INPP4A: variants seen among roughly 807,000 people sequenced by gnomAD.
INPP4A encodes inositol polyphosphate-4-phosphatase, type I, 107kD.
Under a neutral mutation model 119.8 loss-of-function variants are expected in INPP4A, and 33 were observed. The observed-to-expected ratio is 0.28, with a 90% CI of 0.21 to 0.37. The LOEUF (loss-of-function observed/expected upper bound fraction) is 0.37, where lower values mean the gene tolerates loss of function less well. Ranked by LOEUF, INPP4A falls within the 10% of genes least tolerant of loss-of-function variation. INPP4A has a pLI of 1.00. For synonymous variants in INPP4A, 496 were observed against 500.7 expected (o/e 0.99, Z 0.12); for missense variants, 956 against 1,289.9 (o/e 0.74, Z 3.97).
intron 1 of INPP4A, among the ~76,000 whole-genome samples, chr2:98,472,056 G>C (rs1676138499): frequency 6.6e-6 from 1 of 152,138 alleles, no homozygotes; most frequent in Non-Finnish European, 1.5e-5. Flanking sequence ...GCTGGGCATT[G>C]GTCTGCTCCA....
intron 1 of INPP4A, among the ~76,000 whole-genome samples, chr2:98,493,754 G>A (rs535917839): frequency 6.6e-6 from 1 of 152,214 alleles, no homozygotes; most frequent in South Asian, 2.1e-4. Context: ...GGAGTGTAGA[G>A]TTCATATTCA....
At position 98,546,427 on chromosome 2, in the gene INPP4A, C is replaced by G. The variant is rs1305704466; in HGVS notation, c.1055-159C>G. Among the ~76,000 whole-genome samples, 17 of 152,224 alleles carry G rather than the reference C, an allele frequency of 1.1e-4. No homozygotes were observed. ...CTGAGGTGATGGCACTGGGCTCCAG[C>G]AGACCCTTGGGCAGCCAGGGCTGTG... On this transcript the variant is annotated intron_variant, in intron 12 of 24. Coordinates refer to ENST00000409851, the MANE Select transcript of INPP4A (RefSeq NM_001134225.2). The surrounding 1 kb of genome is among the most constrained non-coding windows in gnomAD (Gnocchi z 4.2).
At chr2:98,537,509 C>T (rs1426259980) in intron 7 of INPP4A, among the ~76,000 whole-genome samples, 1 of 152,192 alleles carries the variant, frequency 6.6e-6, no homozygotes, top group Admixed American at 6.5e-5. Flanking sequence ...GTAGTCCTCA[C>T]TCTGACACGT....
chr2:98,499,522 G>A (rs1212599440), intron 1 of INPP4A, among the ~76,000 whole-genome samples: 1 of 152,194 alleles, frequency 6.6e-6, no homozygotes, highest in Non-Finnish European at 1.5e-5. Context: ...TCTGATGAAT[G>A]CAGAACTCCA....
chr2:98,571,300 C>T (rs1697395318), intron 22 of INPP4A, among the ~76,000 whole-genome samples: 1 of 152,238 alleles, frequency 6.6e-6, no homozygotes, highest in Non-Finnish European at 1.5e-5. Flanking sequence ...CAAGTCTCCC[C>T]AGGAGCTGGG....
At chr2:98,535,295 C>T (rs756593300) in intron 5 of INPP4A, among the ~76,000 whole-genome samples, 2 of 152,222 alleles carry the variant, frequency 1.3e-5, no homozygotes, top group Non-Finnish European at 1.5e-5. Flanking sequence ...TTAAGCCATT[C>T]ATTTTCTCTC....
Position 98,533,405 on chromosome 2 carries a change from A to G in INPP4A, c.180A>G (p.Leu60=), listed in dbSNP as rs748046064. The change falls in exon 5 of 25, where the codon CTA becomes CTG. Residue 60 remains leucine, a synonymous_variant. Coordinates refer to ENST00000409851, the MANE Select transcript of INPP4A (RefSeq NM_001134225.2). ...LACSELHTPS[L]DRKPNSFVAV... Reference sequence around the variant, plus strand: ...GCAGTGAGCTGCATACTCCATCGCTAGATCGAAAGCCAAATAGTTTTGTTG... The same window carrying G: ...GCAGTGAGCTGCATACTCCATCGCTGGATCGAAAGCCAAATAGTTTTGTTG... 3.1e-6 allele frequency: 5 copies of G among 1,613,424 alleles called. No homozygotes were observed. The highest frequency in any genetic ancestry group is 3.4e-6 in the Non-Finnish European group (4 of 1,179,606).
At position 98,511,561 on chromosome 2, in the gene INPP4A, G is replaced by A. The variant is rs569367662; in HGVS notation, c.-165-7403G>A. On this transcript the variant is annotated intron_variant, in intron 1 of 24. Coordinates refer to ENST00000409851, the MANE Select transcript of INPP4A (RefSeq NM_001134225.2). Reference sequence around the variant, plus strand: ...GGGGAGGAGGAAGCAGACCTCTTCAGTACAAGAGGACCATGATGCTGCCCC... The same window carrying A: ...GGGGAGGAGGAAGCAGACCTCTTCAATACAAGAGGACCATGATGCTGCCCC... 2.0e-5 allele frequency among the ~76,000 whole-genome samples: 3 copies of A among 152,244 alleles called. No homozygotes were observed. The South Asian group carries it at 6.2e-4, about 32-fold the overall frequency.
chr2:98,541,022 C>CA (rs1285710459), intron 10 of INPP4A, among the ~76,000 whole-genome samples: 1 of 152,148 alleles, frequency 6.6e-6, no homozygotes, highest in Non-Finnish European at 1.5e-5. Flanking sequence ...GAAAAAACAT[C>CA]AAACTTAAAA....
Position 98,588,478 on chromosome 2 carries a change from A to T in INPP4A, c.*870A>T, listed in dbSNP as rs985408983. Reference sequence around the variant, plus strand: ...GAATTTATGACCATAGAGATAGTAGAAACCTAAATATTTTCAGAAAAAAAA... The same window carrying T: ...GAATTTATGACCATAGAGATAGTAGTAACCTAAATATTTTCAGAAAAAAAA... On this transcript the variant is annotated 3_prime_UTR_variant, in exon 25 of 25. Coordinates refer to ENST00000409851, the MANE Select transcript of INPP4A (RefSeq NM_001134225.2). 4 of 210,966 alleles carry T rather than the reference A, an allele frequency of 1.9e-5. No individual in the cohort carries two copies. Among genetic ancestry groups the T allele is most frequent in the Non-Finnish European group, 3.8e-5 (4 of 104,254 alleles). The allele number at this position is 210,966 out of a possible 1,614,324, so 13.1% of individuals were successfully genotyped here.
intron 1 of INPP4A, among the ~76,000 whole-genome samples, chr2:98,513,800 T>G (rs1264823568): frequency 6.6e-6 from 1 of 152,246 alleles, no homozygotes; most frequent in African/African-American, 2.4e-5. Flanking sequence ...ACCGCAGCCA[T>G]TCTGGCTCTG....
intron 21 of INPP4A, 107 bp from the exon 22 acceptor site, chr2:98,568,464 A>T: frequency 1.5e-6 from 1 of 645,552 alleles, no homozygotes. Context: ...TTAGATATGC[A>T]TAGTAAATGT....
At chr2:98,445,786 A>G (rs566909936) in intron 1 of INPP4A, among the ~76,000 whole-genome samples, 2 of 152,310 alleles carry the variant, frequency 1.3e-5, no homozygotes, top group African/African-American at 2.4e-5. Context: ...ACATTACATA[A>G]TGATGGGTTC....
In INPP4A at chr2:98,588,157, A is replaced by C. The variant is rs953233235; in HGVS notation, c.*549A>C. 4.7e-6 allele frequency: 1 copy of C among 211,740 alleles called. No individual in the cohort carries two copies. The highest frequency in any genetic ancestry group is 9.6e-6 in the Non-Finnish European group (1 of 104,530). 13.1% of individuals were successfully genotyped at this position (211,740 alleles called of 1,614,324 possible). A position where few individuals can be genotyped will look rare whatever the true frequency, so the allele number is the denominator to read the frequency against. On this transcript the variant is annotated 3_prime_UTR_variant, in exon 25 of 25. Transcript: ENST00000409851. Reference sequence around the variant, plus strand: ...TCTAGTGAATTATCCTATCTACACTACCACCTGAAGAAGTTGAAAGAAAGA... The same window carrying C: ...TCTAGTGAATTATCCTATCTACACTCCCACCTGAAGAAGTTGAAAGAAAGA...
At chr2:98,462,490 CCTT>C (rs1558877561) in intron 1 of INPP4A, among the ~76,000 whole-genome samples, 1 of 151,878 alleles carries the variant, frequency 6.6e-6, no homozygotes. Context: ...TAAAATATTA[CCTT>C]CTAGTTACAC....
intron 1 of INPP4A, among the ~76,000 whole-genome samples, chr2:98,489,568 A>G (rs1680279563): frequency 6.6e-6 from 1 of 152,086 alleles, no homozygotes. Flanking sequence ...ATTGGTACCA[A>G]GCAGTATAGG....
intron 24 of INPP4A, chr2:98,581,876 T>G: frequency 2.1e-6 from 3 of 1,414,884 alleles, no homozygotes; most frequent in Non-Finnish European, 2.8e-6. Flanking sequence ...AAGAAATATT[T>G]CATGCCTTAC....
At position 98,564,634 on chromosome 2, in the gene INPP4A, C is replaced by T. The variant is rs1483956660; in HGVS notation, c.2029-6C>T. The T allele has an allele frequency of 1.2e-6, 2 of 1,613,046 alleles. No individual in the cohort carries two copies. Among genetic ancestry groups the T allele is most frequent in the Admixed American group, 3.3e-5 (2 of 59,994 alleles). On this transcript the variant is annotated splice_polypyrimidine_tract_variant and splice_region_variant and intron_variant, in intron 18 of 24. Coordinates refer to ENST00000409851, the MANE Select transcript of INPP4A (RefSeq NM_001134225.2). The stretch of plus-strand genomic sequence containing the variant: ...CCCTGAACCTCTTCACCCCACGCTC[C>T]CACAGCTGACCGCCCTCATCTGCGG...
At chr2:98,560,458 C>T (rs1006192835) in intron 17 of INPP4A, among the ~76,000 whole-genome samples, 38 of 152,176 alleles carry the variant, frequency 2.5e-4, no homozygotes, top group African/African-American at 8.4e-4. Flanking sequence ...AACCCCAGGA[C>T]GCTCTTAGAA....
Sources: gnomAD v4.1 joint callset for allele counts (sites outside exome capture counted in the v4.1 genomes callset) on GRCh38, gnomAD v4.1.1 for gene constraint, Gnocchi (gnomAD v3.1) non-coding constraint, MANE v1.5 for transcripts, NCBI Gene and HGNC (gene_info 2026-07-23, HGNC 2026-07-21) for gene names.